Variants in RHOU observed in about 807,000 individuals in gnomAD.
The protein encoded by RHOU is ras homolog family member U, also known as rho-related GTP-binding protein RhoU.
In RHOU, 8 loss-of-function variants were observed where a neutral mutation model predicts 12.6. The observed-to-expected ratio is 0.64, with a 90% CI of 0.37 to 1.15. The LOEUF is 1.15. Ranked by LOEUF, RHOU falls within the 50% of genes most tolerant of loss-of-function variation. The pLI is 0.01. For synonymous variants in RHOU, 161 were observed against 147.4 expected (o/e 1.09, Z -0.67); for missense variants, 258 against 347.0 (o/e 0.74, Z 2.04).
the RHOU span, among the ~76,000 whole-genome samples, chr1:228,686,995 C>T: frequency 6.6e-6 from 1 of 151,950 alleles, no homozygotes; most frequent in African/African-American, 2.4e-5. Context: ...CCTTCTCAGC[C>T]TCCCAAAGTG....
intron 2 of RHOU, among the ~76,000 whole-genome samples, chr1:228,739,540 T>G (rs7527878): frequency 0.5 from 76,254 of 152,004 alleles, 20,840 homozygotes; most frequent in African/African-American, 0.74. Flanking sequence ...TGCAGCCTGG[T>G]TGACAGAGAG....
At chr1:228,707,290 G>A in the RHOU span, among the ~76,000 whole-genome samples, 1 of 129,868 alleles carries the variant, frequency 7.7e-6, no homozygotes, top group East Asian at 2.1e-4. Context: ...GTGTGTGTGT[G>A]TGTGTGTGTG....
At chr1:228,658,865 G>A in the RHOU span, among the ~76,000 whole-genome samples, 1 of 152,120 alleles carries the variant, frequency 6.6e-6, no homozygotes. Flanking sequence ...TCTGCCTTTG[G>A]TTACAGATGC....
At chr1:228,705,713 G>A in the RHOU span, among the ~76,000 whole-genome samples, 4 of 152,300 alleles carry the variant, frequency 2.6e-5, no homozygotes, top group African/African-American at 9.6e-5. Context: ...ACCCAGTCCA[G>A]TTTCTGTCAT....
the RHOU span, among the ~76,000 whole-genome samples, chr1:228,647,057 G>T: frequency 6.6e-6 from 1 of 152,184 alleles, no homozygotes; most frequent in African/African-American, 2.4e-5. Context: ...GCTAGAGAGC[G>T]AGAACGTTTG....
the RHOU span, among the ~76,000 whole-genome samples, chr1:228,677,916 C>G: frequency 2.8e-4 from 43 of 152,234 alleles, no homozygotes; most frequent in African/African-American, 8.7e-4. Context: ...GGAATTACGT[C>G]TGACAAAAGG....
At chr1:228,646,571 G>T in the RHOU span, among the ~76,000 whole-genome samples, 20 of 127,478 alleles carry the variant, frequency 1.6e-4, 1 homozygote, top group Non-Finnish European at 4.9e-5. Context: ...CGCTTGTCCC[G>T]ACCAAGACCC....
At chr1:228,692,606 A>T in the RHOU span, among the ~76,000 whole-genome samples, 2 of 152,074 alleles carry the variant, frequency 1.3e-5, no homozygotes, top group African/African-American at 2.4e-5. Context: ...AATTTTTTTA[A>T]AAATATTTTA....
At chr1:228,681,635 G>A in the RHOU span, among the ~76,000 whole-genome samples, 1 of 152,150 alleles carries the variant, frequency 6.6e-6, no homozygotes, top group African/African-American at 2.4e-5. Context: ...TGGAGAAATC[G>A]AAAGTGTCAT....
the RHOU span, chr1:228,687,305 T>A: frequency 4.5e-6 from 3 of 660,322 alleles, no homozygotes; most frequent in Non-Finnish European, 8.1e-6. Context: ...TTTCTTTTTT[T>A]TTTGGTTACC....
intron 2 of RHOU, among the ~76,000 whole-genome samples, chr1:228,739,252 G>A (rs952580525): frequency 2.0e-5 from 3 of 152,144 alleles, no homozygotes; most frequent in Admixed American, 6.5e-5. Flanking sequence ...GTCTACCAGG[G>A]GGTCAGGTTT....
chr1:228,646,939 A>G, the RHOU span, among the ~76,000 whole-genome samples: 5 of 152,016 alleles, frequency 3.3e-5, no homozygotes, highest in African/African-American at 4.8e-5. Flanking sequence ...AGGTAAAGAG[A>G]GAGAGGCTAA....
chr1:228,670,709 C>T, the RHOU span, among the ~76,000 whole-genome samples: 27 of 152,294 alleles, frequency 1.8e-4, no homozygotes, highest in East Asian at 5.0e-3. Flanking sequence ...TTGTGATTCT[C>T]AGTGTTGGAG....
At chr1:228,705,901 C>T in the RHOU span, among the ~76,000 whole-genome samples, 478 of 152,182 alleles carry the variant, frequency 3.1e-3, 2 homozygotes, top group African/African-American at 0.011. Context: ...AAAAATTAGC[C>T]GGGCACGATG....
the RHOU span, among the ~76,000 whole-genome samples, chr1:228,656,809 A>G: frequency 6.6e-6 from 1 of 152,200 alleles, no homozygotes; most frequent in Admixed American, 6.5e-5. Context: ...AGGTAGCAAA[A>G]TGACAGAAGT....
At chr1:228,726,642 C>T in the RHOU span, among the ~76,000 whole-genome samples, 7 of 149,874 alleles carry the variant, frequency 4.7e-5, no homozygotes, top group Admixed American at 4.6e-4. Context: ...TCCAGCCTGG[C>T]CAAGACAGTG....
At chr1:228,683,204 C>T in the RHOU span, among the ~76,000 whole-genome samples, 1 of 152,144 alleles carries the variant, frequency 6.6e-6, no homozygotes, top group African/African-American at 2.4e-5. Context: ...CATAGGCAGC[C>T]ACTGACCTAA....
rs1216492630 is a variant in RHOU at position 228,743,172 on chromosome 1, A to G, written c.322-113A>G. 1 of 953,004 alleles carries G rather than the reference A, an allele frequency of 1.0e-6. No homozygotes were observed. Among genetic ancestry groups the G allele is most frequent in the East Asian group, 2.4e-5 (1 of 41,666 alleles). The allele number at this position is 953,004 out of a possible 1,614,324, so 59.0% of individuals were successfully genotyped here. ...AAGGATGCTGGCTCTTCCTTCTAGAACCAGCGGGTCTTCTATCACCTGCCA... is the reference window on the plus strand; with the variant it reads ...AAGGATGCTGGCTCTTCCTTCTAGAGCCAGCGGGTCTTCTATCACCTGCCA... On this transcript the variant is annotated intron_variant, in intron 2 of 2. Transcript: ENST00000366691. The surrounding 1 kb of genome is among the most constrained non-coding windows in gnomAD (Gnocchi z 5.1).
At chr1:228,705,503 A>ATT in the RHOU span, among the ~76,000 whole-genome samples, 284 of 152,142 alleles carry the variant, frequency 1.9e-3, no homozygotes, top group Middle Eastern at 3.4e-3. Context: ...TTAGCTAATG[A>ATT]TTTTTTTCCC....
Sources: gnomAD v4.1 joint callset for allele counts (sites outside exome capture counted in the v4.1 genomes callset) on GRCh38, gnomAD v4.1.1 for gene constraint, Gnocchi (gnomAD v3.1) non-coding constraint, MANE v1.5 for transcripts, NCBI Gene and HGNC (gene_info 2026-07-23, HGNC 2026-07-21) for gene names.